The following ZBTB10 variants were observed in gnomAD, a reference collection of about 807,000 sequenced individuals.
ZBTB10 encodes zinc finger and BTB domain-containing protein 10.
Under a neutral mutation model 76.4 loss-of-function variants are expected in ZBTB10, and 32 were observed. The ratio of observed to expected loss-of-function variants is 0.42; its 90% CI spans 0.32 to 0.56. The LOEUF is 0.56. Ranked by LOEUF, ZBTB10 falls within the 20% of genes least tolerant of loss-of-function variation. The pLI, the probability that ZBTB10 is intolerant of heterozygous loss-of-function variation, is 0.14. For missense variants in ZBTB10, 1,057 were observed against 1,098.5 expected (o/e 0.96, Z 0.53); for synonymous variants, 523 against 432.9 (o/e 1.21, Z -2.58).
At chr8:80,506,228 C>G (rs1025055617) in intron 2 of ZBTB10, among the ~76,000 whole-genome samples, 15 of 152,036 alleles carry the variant, frequency 9.9e-5, no homozygotes, top group African/African-American at 3.4e-4. Context: ...GGACCCAAAG[C>G]TTTTTCTTAA....
chr8:80,500,425 T>A (rs544765947), intron 2 of ZBTB10, 43 bp downstream of exon 2: 33 of 1,437,796 alleles, frequency 2.3e-5, no homozygotes, highest in Non-Finnish European at 3.0e-5. Context: ...TTCATCCTAA[T>A]TCTAGTTGGA....
At position 80,499,576 on chromosome 8, in the gene ZBTB10, G is replaced by A. The variant is rs1398454624; in HGVS notation, c.1055G>A (p.Arg352Gln). The change falls in exon 2 of 6, where the codon CGA becomes CAA. Residue 352 changes from arginine to glutamine, a missense_variant. Physicochemically the swap from Arg to Gln is conservative, Grantham distance 43. Around this residue, in one of 5 missense-constraint regions of ZBTB10, gnomAD observed 86 missense variants for 145.7 expected, o/e 0.59. Coordinates refer to ENST00000455036, the MANE Select transcript of ZBTB10 (RefSeq NM_001105539.3). ...NENSYCYQLLRQLNEQRKKGI... is the reference protein window; with the variant it reads ...NENSYCYQLLQQLNEQRKKGI... ...AACTCTTATTGCTATCAACTTCTGCGACAACTAAATGAACAGAGAAAGAAA... is the reference window on the plus strand; with the variant it reads ...AACTCTTATTGCTATCAACTTCTGCAACAACTAAATGAACAGAGAAAGAAA... 2 of 1,613,842 alleles carry A rather than the reference G, an allele frequency of 1.2e-6. No individual in the cohort carries two copies. The highest frequency in any genetic ancestry group is 1.7e-5 in the Admixed American group (1 of 60,000).
chr8:80,512,199 A>C (rs1816211500), intron 2 of ZBTB10, among the ~76,000 whole-genome samples: 1 of 152,184 alleles, frequency 6.6e-6, no homozygotes, highest in Admixed American at 6.5e-5. Flanking sequence ...CACCTTACAG[A>C]GAAAAGAGAA....
In ZBTB10 at chr8:80,520,995, C is replaced by T. The variant is rs1370943471; in HGVS notation, c.*1467C>T. 4 of 151,794 alleles carry T rather than the reference C, an allele frequency of 2.6e-5. No individual in the cohort carries two copies. The allele number at this position is 151,794 out of a possible 1,614,324, so 9.4% of individuals were successfully genotyped here. A position where few individuals can be genotyped will look rare whatever the true frequency, so the allele number is the denominator to read the frequency against. The stretch of plus-strand genomic sequence containing the variant: ...TTTAAATAAAAATTGAGTATATTTT[C>T]CTATTTTATATCAGGTAACTAAATT... On this transcript the variant is annotated 3_prime_UTR_variant, in exon 6 of 6. Coordinates refer to ENST00000455036, the MANE Select transcript of ZBTB10 (RefSeq NM_001105539.3).
rs78516870 is a variant in ZBTB10, at chr8:80,513,304, G to A, written c.1862-606G>A. Among the ~76,000 whole-genome samples, 1,495 of 152,092 alleles carry A rather than the reference G, an allele frequency of 9.8e-3. 22 individuals are homozygous for A. The highest frequency in any genetic ancestry group is 0.034 in the African/African-American group (1,429 of 41,474). On this transcript the variant is annotated intron_variant, in intron 2 of 5. Coordinates refer to ENST00000455036, the MANE Select transcript of ZBTB10 (RefSeq NM_001105539.3). ...ACTACAGGTGTGTGCCACCACACTT[G>A]GTTAATTTTTGTATTTTTTGTAGAG...
chr8:80,498,903 T>A (rs1815853927), intron 1 of ZBTB10, among the ~76,000 whole-genome samples: 2 of 152,222 alleles, frequency 1.3e-5, no homozygotes, highest in Admixed American at 1.3e-4. Context: ...GATAGGAAAT[T>A]ATATAACTAG....
At position 80,523,587 on chromosome 8, in the gene ZBTB10, G is replaced by T. The variant is rs1356177709; in HGVS notation, c.*4059G>T. The T allele has an allele frequency of 1.3e-5, 2 of 150,284 alleles. No homozygotes were observed. The highest frequency in any genetic ancestry group is 3.0e-5 in the Non-Finnish European group (2 of 67,680). 9.3% of individuals were successfully genotyped at this position (150,284 alleles called of 1,614,324 possible). On this transcript the variant is annotated 3_prime_UTR_variant, in exon 6 of 6. Transcript: ENST00000455036. ...ATATCCACACTTAGAACTAACAGGT[G>T]TTTAGTCACTTTAGGACTTAAAATG...
intron 1 of ZBTB10, among the ~76,000 whole-genome samples, chr8:80,493,947 T>C (rs754083750): frequency 4.6e-5 from 7 of 152,222 alleles, no homozygotes; most frequent in Non-Finnish European, 8.8e-5. Context: ...CTCAGAGATA[T>C]AGAGGTGATC....
rs1313234637 is a variant in ZBTB10 at position 80,521,006 on chromosome 8, T to C, written c.*1478T>C. 6.6e-6 allele frequency: 1 copy of C among 151,968 alleles called. No homozygotes were observed. The highest frequency in any genetic ancestry group is 1.5e-5 in the Non-Finnish European group (1 of 67,858). 9.4% of individuals were successfully genotyped at this position (151,968 alleles called of 1,614,324 possible). ...ATTGAGTATATTTTCCTATTTTATA[T>C]CAGGTAACTAAATTATGCTAGTTAT... On this transcript the variant is annotated 3_prime_UTR_variant, in exon 6 of 6. Transcript: ENST00000455036.
chr8:80,523,507 C>T lies in ZBTB10; in HGVS notation c.*3979C>T, dbSNP rs1482358879. On this transcript the variant is annotated 3_prime_UTR_variant, in exon 6 of 6. Transcript: ENST00000455036. ...TTTATCTGAAGAACTAGATAGAAAC[C>T]CCAGTTTTTGTGCCGTTCAGTCACC... The T allele has an allele frequency of 6.6e-6, 1 of 151,726 alleles. No homozygotes were observed. Among genetic ancestry groups the T allele is most frequent in the Non-Finnish European group, 1.5e-5 (1 of 67,844 alleles). 9.4% of individuals were successfully genotyped at this position (151,726 alleles called of 1,614,324 possible). A position where few individuals can be genotyped will look rare whatever the true frequency, so the allele number is the denominator to read the frequency against.
intron 2 of ZBTB10, among the ~76,000 whole-genome samples, chr8:80,513,280 C>T (rs1384747774): frequency 6.6e-6 from 1 of 152,050 alleles, no homozygotes; most frequent in Non-Finnish European, 1.5e-5. Context: ...GTAGCTGGGA[C>T]TACAGGTGTG....
intron 1 of ZBTB10, among the ~76,000 whole-genome samples, chr8:80,496,463 G>T (rs1345300087): frequency 6.7e-6 from 1 of 149,456 alleles, no homozygotes; most frequent in Non-Finnish European, 1.5e-5. Flanking sequence ...TGCTGTTGTT[G>T]GTTATAAAAA....
rs59775089 is a variant in ZBTB10, at chr8:80,502,456, C to T, written c.1861+2074C>T. Reference sequence around the variant, plus strand: ...CTCACCATGTTGGCCAAGCTGGTCTCGAACTCGTGACCTCAAGTCCACCCA... The same window carrying T: ...CTCACCATGTTGGCCAAGCTGGTCTTGAACTCGTGACCTCAAGTCCACCCA... On this transcript the variant is annotated intron_variant, in intron 2 of 5. Coordinates refer to ENST00000455036, the MANE Select transcript of ZBTB10 (RefSeq NM_001105539.3). Among the ~76,000 whole-genome samples, 98 of 152,218 alleles carry T rather than the reference C, an allele frequency of 6.4e-4. 2 individuals carry two copies. The South Asian group carries it at 0.018, about 27-fold the overall frequency.
rs747667972 is a variant in ZBTB10 at position 80,522,274 on chromosome 8, A to T, written c.*2746A>T. ...TCTCAGAGGTAACAATGAAATACTCATAATTTTGTCTGTGGAACTCTGGCA... is the reference window on the plus strand; with the variant it reads ...TCTCAGAGGTAACAATGAAATACTCTTAATTTTGTCTGTGGAACTCTGGCA... On this transcript the variant is annotated 3_prime_UTR_variant, in exon 6 of 6. Transcript: ENST00000455036. 3 of 151,972 alleles carry T rather than the reference A, an allele frequency of 2.0e-5. No individual in the cohort carries two copies. The highest frequency in any genetic ancestry group is 4.4e-5 in the Non-Finnish European group (3 of 67,862). The allele number at this position is 151,972 out of a possible 1,614,324, so 9.4% of individuals were successfully genotyped here.
intron 3 of ZBTB10, among the ~76,000 whole-genome samples, chr8:80,516,092 G>A (rs1316166161): frequency 6.6e-6 from 1 of 152,082 alleles, no homozygotes; most frequent in Admixed American, 6.6e-5. Flanking sequence ...ATATTCTTCT[G>A]TCTCCTTTTT....
intron 1 of ZBTB10, 52 bp from the exon 2 acceptor site, chr8:80,499,441 GT>G: frequency 6.8e-7 from 1 of 1,481,420 alleles, no homozygotes; most frequent in South Asian, 1.5e-5. Flanking sequence ...TGGTTTGGGA[GT>G]TTTTAAAAAA....
chr8:80,508,480 G>A (rs1175697021), intron 2 of ZBTB10, among the ~76,000 whole-genome samples: 3 of 152,186 alleles, frequency 2.0e-5, no homozygotes, highest in Non-Finnish European at 4.4e-5. Flanking sequence ...AGATTGAGGA[G>A]TCCCTTATGC....
At chr8:80,504,396 G>A (rs1371100858) in intron 2 of ZBTB10, among the ~76,000 whole-genome samples, 1 of 152,206 alleles carries the variant, frequency 6.6e-6, no homozygotes, top group Non-Finnish European at 1.5e-5. Context: ...GTAAGATACA[G>A]TTCTAATAAC....
chr8:80,504,503 A>AT (rs1034117362), intron 2 of ZBTB10, among the ~76,000 whole-genome samples: 12 of 152,088 alleles, frequency 7.9e-5, no homozygotes, highest in African/African-American at 2.4e-5. Context: ...TTCAGATGGT[A>AT]TTTTTTTATC....
Sources: gnomAD v4.1 joint callset for allele counts (sites outside exome capture counted in the v4.1 genomes callset) on GRCh38, gnomAD v4.1.1 for gene constraint, gnomAD v4.1.1 regional missense constraint, MANE v1.5 for transcripts, NCBI Gene and HGNC (gene_info 2026-07-23, HGNC 2026-07-21) for gene names.